Variants in SLIT1 observed in about 807,000 individuals in gnomAD.
SLIT1 encodes the protein slit guidance ligand 1, also known as slit homolog 1 protein.
Under a neutral mutation model 186.1 loss-of-function variants are expected in SLIT1, and 66 were observed. The ratio of observed to expected loss-of-function variants is 0.35; its 90% CI spans 0.29 to 0.44. The LOEUF is 0.44. SLIT1 is among the 20% of genes least tolerant of loss of function. SLIT1 has a pLI of 1.00. For missense variants in SLIT1, 1,638 were observed against 2,037.4 expected, an observed-to-expected ratio of 0.80 and a Z score of 3.77; for synonymous variants, 761 against 833.8, an observed-to-expected ratio of 0.91 and a Z score of 1.50.
At chr10:97,094,933 TTTAA>T (rs1310080316) in intron 4 of SLIT1, among the ~76,000 whole-genome samples, 1 of 152,232 alleles carries the variant, frequency 6.6e-6, no homozygotes, top group African/African-American at 2.4e-5. Context: ...AATTCTCTGC[TTTAA>T]TTCTCAACTT....
At chr10:97,129,571 A>G (rs575135551) in intron 4 of SLIT1, among the ~76,000 whole-genome samples, 18 of 152,126 alleles carry the variant, frequency 1.2e-4, no homozygotes, top group Non-Finnish European at 2.2e-4. Flanking sequence ...AAGATGAGGA[A>G]TCGAAACTGC....
chr10:97,123,274 A>C (rs1456562797), intron 4 of SLIT1, among the ~76,000 whole-genome samples: 1 of 152,230 alleles, frequency 6.6e-6, no homozygotes, highest in Non-Finnish European at 1.5e-5. Context: ...AAAATCTGAC[A>C]CCTTTTATCA....
In SLIT1 at chr10:97,040,595, C is replaced by G. The variant is rs541531627; in HGVS notation, c.2165-475G>C. On this transcript the variant is annotated intron_variant, in intron 20 of 36. Coordinates refer to ENST00000266058, the MANE Select transcript of SLIT1 (RefSeq NM_003061.3). ...GCAGTGCCTGGCACGCAGCAGCCCTCAAAACAGATGAGTTGAATGAATGAA... is the reference window on the plus strand; with the variant it reads ...GCAGTGCCTGGCACGCAGCAGCCCTGAAAACAGATGAGTTGAATGAATGAA... 2.0e-5 allele frequency among the ~76,000 whole-genome samples: 3 copies of G among 152,232 alleles called. No individual in the cohort carries two copies. In the South Asian group the frequency reaches 6.2e-4, roughly 32 times the overall value.
At chr10:97,070,565 A>T (rs962768787) in intron 4 of SLIT1, among the ~76,000 whole-genome samples, 1 of 152,206 alleles carries the variant, frequency 6.6e-6, no homozygotes, top group Non-Finnish European at 1.5e-5. Flanking sequence ...TGGTATTAGG[A>T]GGTGAGGACT....
intron 18 of SLIT1, among the ~76,000 whole-genome samples, chr10:97,046,097 C>A (rs980187883): frequency 6.6e-6 from 1 of 152,190 alleles, no homozygotes; most frequent in Admixed American, 6.5e-5. Context: ...ACGATACACA[C>A]CCTCAGGATC....
chr10:97,043,260 A>G lies in SLIT1; in HGVS notation c.1997+110T>C. On this transcript the variant is annotated intron_variant, in intron 19 of 36. Transcript: ENST00000266058. The surrounding 1 kb of genome is among the most constrained non-coding windows in gnomAD (Gnocchi z 7.0). ...AAATGTGGAACCCACGTTTCAGCAAACCACGAAGACCCAGCACCCCCAGGG... is the reference window on the plus strand; with the variant it reads ...AAATGTGGAACCCACGTTTCAGCAAGCCACGAAGACCCAGCACCCCCAGGG... 4 of 1,445,204 alleles carry G rather than the reference A, an allele frequency of 2.8e-6. No individual in the cohort carries two copies. Among genetic ancestry groups the G allele is most frequent in the Non-Finnish European group, 3.8e-6 (4 of 1,048,366 alleles). 89.5% of individuals were successfully genotyped at this position (1,445,204 alleles called of 1,614,324 possible).
intron 2 of SLIT1, among the ~76,000 whole-genome samples, chr10:97,164,470 G>C (rs1206518953): frequency 6.6e-6 from 1 of 152,182 alleles, no homozygotes; most frequent in African/African-American, 2.4e-5. Context: ...GGGGTTTCTG[G>C]AGCAGATCCG....
chr10:97,019,732 G>A (rs1046608325), intron 26 of SLIT1, among the ~76,000 whole-genome samples: 3 of 152,092 alleles, frequency 2.0e-5, no homozygotes, highest in South Asian at 4.1e-4. Flanking sequence ...AACCAGAGGA[G>A]CCGACAGCCA....
chr10:97,170,224 G>A (rs1850169826), intron 1 of SLIT1, among the ~76,000 whole-genome samples: 2 of 152,228 alleles, frequency 1.3e-5, no homozygotes, highest in South Asian at 4.1e-4. Context: ...TACACTGGCT[G>A]TGTGATCTTG....
At chr10:97,166,818 TA>T (rs1312964959) in intron 1 of SLIT1, among the ~76,000 whole-genome samples, 1 of 152,032 alleles carries the variant, frequency 6.6e-6, no homozygotes, top group Non-Finnish European at 1.5e-5. Flanking sequence ...CGCAAAAAAG[TA>T]GTAACTGTGC....
chr10:97,163,839 C>T (rs1426898718), intron 2 of SLIT1, among the ~76,000 whole-genome samples: 1 of 152,256 alleles, frequency 6.6e-6, no homozygotes, highest in Non-Finnish European at 1.5e-5. Flanking sequence ...GAGCTGCTGG[C>T]GCACGTGCCC....
At chr10:97,017,394 C>T (rs542772198) in intron 28 of SLIT1, among the ~76,000 whole-genome samples, 4 of 152,320 alleles carry the variant, frequency 2.6e-5, no homozygotes, top group African/African-American at 7.2e-5. Flanking sequence ...CAATGTATTG[C>T]GCCAGCAATT....
At chr10:97,065,919 C>A in intron 5 of SLIT1, 96 bp downstream of exon 5, 1 of 905,326 alleles carries the variant, frequency 1.1e-6, no homozygotes, top group Non-Finnish European at 1.8e-6. Context: ...TCCCTGGCTG[C>A]CTGGACCACA....
chr10:97,057,120 C>T, intron 12 of SLIT1, 90 bp downstream of exon 12: 1 of 995,006 alleles, frequency 1.0e-6, no homozygotes, highest in Non-Finnish European at 1.6e-6. Flanking sequence ...GTCCCATACC[C>T]AAGAGAGGCC....
rs373866072 is a variant in SLIT1, at chr10:97,018,679, C to T, written c.2876G>A (p.Arg959Gln). The change falls in exon 28 of 37, where the codon CGA (arginine) becomes CAA (glutamine). Residue 959 changes from arginine (R) to glutamine (Q), a missense_variant. This residue lies in a region of SLIT1 where 1,245 missense variants were observed against 1,535.3 expected (regional missense o/e 0.81). Transcript: ENST00000266058. ...RCACPSGYKG[R>Q]DCEVSLDSCS... is the part of the protein sequence containing the mutation. ...GCTGTCCAGGGACACCTCACAGTCT[C>T]GACCCTGGGGGGAAAGTCAGTGATG... 1.1e-5 allele frequency: 18 copies of T among 1,578,346 alleles called. No individual in the cohort carries two copies. Among genetic ancestry groups the T allele is most frequent in the Admixed American group, 5.4e-5 (3 of 55,048 alleles).
At position 97,043,541 on chromosome 10, in the gene SLIT1, G is replaced by A. The variant is rs1299695008; in HGVS notation, c.1854-28C>T. The A allele has an allele frequency of 1.2e-6, 2 of 1,602,686 alleles. No homozygotes were observed. The highest frequency in any genetic ancestry group is 1.1e-5 in the South Asian group (1 of 89,994). On this transcript the variant is annotated intron_variant, in intron 18 of 36. Coordinates refer to ENST00000266058, the MANE Select transcript of SLIT1 (RefSeq NM_003061.3). This position sits in a 1 kb window ranked among gnomAD's most constrained non-coding sequence, Gnocchi z 7.0. The stretch of plus-strand genomic sequence containing the variant: ...GGGGAGGAACGGGGGAGGGAGGAGG[G>A]GACCCTTGCTGCCCTGCCAGCCATC...
chr10:97,021,133 T>TTCCTGC lies in SLIT1; in HGVS notation c.2746+116_2746+117insGCAGGA. 1.0e-6 allele frequency: 1 copy of TTCCTGC among 975,584 alleles called. No homozygotes were observed. Among genetic ancestry groups the TTCCTGC allele is most frequent in the Non-Finnish European group, 1.5e-6 (1 of 675,218 alleles). The allele number at this position is 975,584 out of a possible 1,614,324, so 60.4% of individuals were successfully genotyped here. On this transcript the variant is annotated intron_variant, in intron 26 of 36. Coordinates refer to ENST00000266058, the MANE Select transcript of SLIT1 (RefSeq NM_003061.3). This position sits in a 1 kb window ranked among gnomAD's most constrained non-coding sequence, Gnocchi z 4.5. ...TCAAGCCGCAGGTGCCTTGTTCCTG[T>TTCCTGC]CCCCTGACCCCCCGCCCAGCGGTCA... is the stretch of plus-strand genomic sequence containing the variant.
chr10:97,073,992 A>G (rs1349163472), intron 4 of SLIT1, among the ~76,000 whole-genome samples: 2 of 151,960 alleles, frequency 1.3e-5, no homozygotes, highest in Non-Finnish European at 2.9e-5. Flanking sequence ...AGGAAACGCT[A>G]TTTATCCTTC....
intron 10 of SLIT1, among the ~76,000 whole-genome samples, chr10:97,059,854 G>A (rs1848875492): frequency 6.6e-6 from 1 of 152,330 alleles, no homozygotes; most frequent in East Asian, 1.9e-4. Context: ...ATGACAAGCA[G>A]CTCCCATCAC....
Sources: allele counts gnomAD v4.1 joint callset (sites outside exome capture counted in the v4.1 genomes callset), GRCh38; gene constraint gnomAD v4.1.1; regional missense constraint gnomAD v4.1.1; non-coding constraint Gnocchi (gnomAD v3.1); transcripts MANE v1.5; gene names NCBI Gene and HGNC (gene_info 2026-07-23, HGNC 2026-07-21).